Variants in RAB3GAP1 observed in about 807,000 individuals in gnomAD.
The protein encoded by RAB3GAP1 is rab3 GTPase-activating protein catalytic subunit.
A neutral mutation model predicts 130.7 loss-of-function variants in RAB3GAP1; 86 were observed. That is an observed-to-expected ratio of 0.66 (90% CI 0.55 to 0.79). The LOEUF (loss-of-function observed/expected upper bound fraction) is 0.79. RAB3GAP1 is among the 30% of genes least tolerant of loss of function. The pLI, the probability that RAB3GAP1 is intolerant of heterozygous loss-of-function variation, is 0.00. For synonymous variants in RAB3GAP1, 367 were observed against 401.7 expected (o/e 0.91, Z 1.03); for missense variants, 1,029 against 1,169.4 (o/e 0.88, Z 1.75).
In RAB3GAP1 at chr2:135,062,406, G is replaced by A. The variant is rs934553520; in HGVS notation, c.150+4320G>A. 7.2e-5 allele frequency among the ~76,000 whole-genome samples: 11 copies of A among 152,212 alleles called. No individual in the cohort carries two copies. In the East Asian group the frequency reaches 1.3e-3, roughly 19 times the overall value. On this transcript the variant is annotated intron_variant, in intron 3 of 23. Coordinates refer to ENST00000264158, the MANE Select transcript of RAB3GAP1 (RefSeq NM_012233.3). ...TGTATCCAGATATTGCCAAATGCCC[G>A]CTGAGGGGCAAAATTGGCCCCAGCT...
chr2:135,078,570 CT>C (rs1360106128), intron 3 of RAB3GAP1, among the ~76,000 whole-genome samples: 2 of 149,332 alleles, frequency 1.3e-5, no homozygotes, highest in Admixed American at 6.8e-5. Context: ...ATTTTAATTA[CT>C]ATAAATTTGT....
chr2:135,078,974 TCTC>T (rs1464624975), intron 3 of RAB3GAP1, among the ~76,000 whole-genome samples: 1 of 152,042 alleles, frequency 6.6e-6, no homozygotes, highest in African/African-American at 2.4e-5. Context: ...TTCAAGCAAT[TCTC>T]CTGCCTCAGA....
intron 19 of RAB3GAP1, among the ~76,000 whole-genome samples, chr2:135,154,979 A>G (rs1692269812): frequency 6.6e-6 from 1 of 152,182 alleles, no homozygotes; most frequent in Admixed American, 6.5e-5. Flanking sequence ...ATCCATATAA[A>G]ACTACTTTAC....
chr2:135,104,699 A>T (rs1248339841), intron 5 of RAB3GAP1, among the ~76,000 whole-genome samples: 1 of 148,764 alleles, frequency 6.7e-6, no homozygotes, highest in Non-Finnish European at 1.5e-5. Flanking sequence ...CTAAAAATAC[A>T]AAATAAATAA....
At chr2:135,130,902 A>G (rs1486090447) in intron 13 of RAB3GAP1, among the ~76,000 whole-genome samples, 181 bp downstream of exon 13, 1 of 152,236 alleles carries the variant, frequency 6.6e-6, no homozygotes, top group Non-Finnish European at 1.5e-5. Context: ...TTGTGATACC[A>G]TGTTGCATGT....
intron 19 of RAB3GAP1, among the ~76,000 whole-genome samples, chr2:135,155,850 GAGAGAGTGT>G (rs1692296662): frequency 6.6e-6 from 1 of 152,032 alleles, no homozygotes; most frequent in East Asian, 1.9e-4. Flanking sequence ...AAATGAAAAG[GAGAGAGTGT>G]AGAGAACACA....
At chr2:135,075,676 T>C (rs1216633741) in intron 3 of RAB3GAP1, among the ~76,000 whole-genome samples, 1 of 145,914 alleles carries the variant, frequency 6.9e-6, no homozygotes, top group Non-Finnish European at 1.5e-5. Flanking sequence ...TTTGCCTTTT[T>C]TTGGGGGGGG....
At chr2:135,076,489 C>G (rs186520860) in intron 3 of RAB3GAP1, among the ~76,000 whole-genome samples, 1 of 152,136 alleles carries the variant, frequency 6.6e-6, no homozygotes, top group Admixed American at 6.5e-5. Flanking sequence ...TTAGAATTTC[C>G]TTTTTGATGG....
intron 3 of RAB3GAP1, among the ~76,000 whole-genome samples, chr2:135,062,725 G>A (rs1368381859): frequency 6.6e-6 from 1 of 152,086 alleles, no homozygotes; most frequent in South Asian, 2.1e-4. Flanking sequence ...TTGTAGTTTT[G>A]GTAGAGGTCT....
intron 3 of RAB3GAP1, among the ~76,000 whole-genome samples, chr2:135,089,204 T>C (rs1690069510): frequency 1.3e-5 from 2 of 152,146 alleles, no homozygotes; most frequent in South Asian, 4.1e-4. Context: ...TGGTTGTAGA[T>C]GTGTCGTGTT....
At position 135,117,970 on chromosome 2, in the gene RAB3GAP1, G is replaced by A. The variant is rs907649392; in HGVS notation, c.648+2589G>A. ...TGGGGTCACTGACTCCTCCCACCTC[G>A]GCCTCCTGAATATTTGGGACTATAG... On this transcript the variant is annotated intron_variant, in intron 7 of 23. Transcript: ENST00000264158. Among the ~76,000 whole-genome samples the A allele has an allele frequency of 1.1e-4, 16 of 151,656 alleles. 1 individual carries two copies. The highest frequency in any genetic ancestry group is 6.8e-3 in the Middle Eastern group (2 of 294).
chr2:135,094,552 C>CTAATGCTCCCCATTACCCCA (rs1174546507), intron 5 of RAB3GAP1, among the ~76,000 whole-genome samples: 1 of 152,174 alleles, frequency 6.6e-6, no homozygotes, highest in African/African-American at 2.4e-5. Context: ...CCCCATTACC[C>CTAATGCTCCCCATTACCCCA]TTCTAAGCCT....
At chr2:135,157,121 C>G (rs1375141648) in intron 19 of RAB3GAP1, among the ~76,000 whole-genome samples, 1 of 152,150 alleles carries the variant, frequency 6.6e-6, no homozygotes. Flanking sequence ...TCAAGTGATT[C>G]TCCTGGCCCA....
In RAB3GAP1 at chr2:135,123,291, A is replaced by G. The variant is rs1462903074; in HGVS notation, c.749-874A>G. ...AAGCTTTTACAAACTCACTTGTAAC[A>G]ATGCTAGTCATTGTGATCTTTCTTA... On this transcript the variant is annotated intron_variant, in intron 8 of 23. Transcript: ENST00000264158. Among the ~76,000 whole-genome samples the G allele has an allele frequency of 2.0e-5, 3 of 152,220 alleles. No individual in the cohort carries two copies. In the East Asian group the frequency reaches 5.8e-4, roughly 29 times the overall value.
chr2:135,069,931 C>T (rs1212125712), intron 3 of RAB3GAP1, among the ~76,000 whole-genome samples: 1 of 152,198 alleles, frequency 6.6e-6, no homozygotes, highest in Non-Finnish European at 1.5e-5. Context: ...TTTAAATTAT[C>T]CATCAGAAAG....
At chr2:135,133,611 A>G (rs1049263268) in intron 14 of RAB3GAP1, among the ~76,000 whole-genome samples, 1 of 152,192 alleles carries the variant, frequency 6.6e-6, no homozygotes, top group Admixed American at 6.5e-5. Context: ...TATTCCACAG[A>G]AGAAATTGAA....
At chr2:135,172,046 A>T (rs1159799136), downstream of RAB3GAP1, among the ~76,000 whole-genome samples, 1 of 152,214 alleles carries the variant, frequency 6.6e-6, no homozygotes, top group Non-Finnish European at 1.5e-5. Flanking sequence ...CCAGATGTGT[A>T]AAGCTGTAGG....
chr2:135,080,702 A>G (rs1473886704), intron 3 of RAB3GAP1, among the ~76,000 whole-genome samples: 1 of 152,158 alleles, frequency 6.6e-6, no homozygotes, highest in Non-Finnish European at 1.5e-5. Flanking sequence ...ATCTCTTCCT[A>G]TGACAGTTCT....
At chr2:135,077,265 A>G (rs1185910926) in intron 3 of RAB3GAP1, among the ~76,000 whole-genome samples, 1 of 145,906 alleles carries the variant, frequency 6.9e-6, no homozygotes, top group Non-Finnish European at 1.5e-5. Flanking sequence ...GCAAGACTCC[A>G]TCTCAACAAC....
Sources: gnomAD v4.1 joint callset for allele counts (sites outside exome capture counted in the v4.1 genomes callset) on GRCh38, gnomAD v4.1.1 for gene constraint, MANE v1.5 for transcripts, NCBI Gene and HGNC (gene_info 2026-07-23, HGNC 2026-07-21) for gene names.